ZNF618: variants seen among roughly 807,000 people sequenced by gnomAD.
ZNF618 encodes the protein zinc finger protein 618, also known as neural precursor cell expressed, developmentally down-regulated 10.
ZNF618 carries 34 observed loss-of-function variants against 103.0 expected under a neutral mutation model. The ratio of observed to expected loss-of-function variants is 0.33; its 90% CI spans 0.25 to 0.44. The LOEUF (loss-of-function observed/expected upper bound fraction) is 0.44, where lower values mean the gene tolerates loss of function less well. Among genes scored for constraint, ZNF618 ranks in the 20% least tolerant of loss-of-function variants. ZNF618 has a pLI of 1.00. For missense variants in ZNF618, 1,059 were observed against 1,295.4 expected (o/e 0.82, Z 2.80); for synonymous variants, 551 against 542.2 (o/e 1.02, Z -0.23).
In ZNF618 at chr9:114,049,878, A is replaced by C. The variant is rs775285799; in HGVS notation, c.2576A>C (p.Glu859Ala). The C allele has an allele frequency of 1.2e-6, 2 of 1,613,952 alleles. No homozygotes were observed. The highest frequency in any genetic ancestry group is 1.1e-5 in the South Asian group (1 of 91,090). ...AAGAAGCCCCGCTCTGCTGCCGTCG[A>C]GAACCCCGCAGCTCAGGAAGATGAT... is the stretch of plus-strand genomic sequence containing the variant. ...AAKKPRSAAV[E>A]NPAAQEDDRL... The change falls in exon 15 of 15, where the codon GAG becomes GCG. Residue 859 changes from glutamate to alanine, a missense_variant. This residue lies in a region of ZNF618 where 156 missense variants were observed against 197.1 expected (regional missense o/e 0.79). Transcript: ENST00000374126.
chr9:113,898,601 A>AT (rs1830245997), intron 1 of ZNF618, among the ~76,000 whole-genome samples: 1 of 151,500 alleles, frequency 6.6e-6, no homozygotes, highest in Admixed American at 6.6e-5. Context: ...TAATTTTTAA[A>AT]TTTTTTGTAG....
In ZNF618 at chr9:114,007,351, C is replaced by T. The variant is rs768894299; in HGVS notation, c.552C>T (p.Asn184=). 6.8e-6 allele frequency: 11 copies of T among 1,613,504 alleles called. No homozygotes were observed. The South Asian group carries it at 1.1e-4, about 16-fold the overall frequency. Residue 184 remains asparagine (N), a splice_region_variant and synonymous_variant, in exon 7 of 15, where the codon AAC becomes AAT. Transcript: ENST00000374126. ...ATSGEGASQS[N]NFRYTCDICG... is the part of the protein sequence containing the mutation. The stretch of plus-strand genomic sequence containing the variant: ...GGTGTGTGTTTTCATCCCATGCAGA[C>T]AATTTCAGGTACACATGTGATATCT...
intron 2 of ZNF618, among the ~76,000 whole-genome samples, chr9:113,980,438 T>C (rs2133108423): frequency 6.6e-6 from 1 of 152,124 alleles, no homozygotes; most frequent in African/African-American, 2.4e-5. Flanking sequence ...GTAGTTAATA[T>C]TTAGAACTAA....
chr9:114,047,741 G>A (rs1245177096), intron 13 of ZNF618, among the ~76,000 whole-genome samples, 152 bp from the exon 14 acceptor site: 2 of 152,212 alleles, frequency 1.3e-5, no homozygotes, highest in African/African-American at 4.8e-5. Flanking sequence ...TGCAAGCATA[G>A]ATAGTTGTCT....
intron 1 of ZNF618, among the ~76,000 whole-genome samples, chr9:113,947,414 T>C (rs572200572): frequency 6.6e-6 from 1 of 152,314 alleles, no homozygotes; most frequent in Admixed American, 6.5e-5. Flanking sequence ...ATGGTGGGAA[T>C]AATTATAATG....
At chr9:114,011,950 C>A (rs1417972515) in intron 9 of ZNF618, among the ~76,000 whole-genome samples, 1 of 151,150 alleles carries the variant, frequency 6.6e-6, no homozygotes, top group Non-Finnish European at 1.5e-5. Context: ...TCTGTTGAAA[C>A]AGAGTAAGTC....
intron 13 of ZNF618, among the ~76,000 whole-genome samples, chr9:114,046,826 C>T (rs556309602): frequency 3.9e-5 from 6 of 152,270 alleles, no homozygotes; most frequent in Non-Finnish European, 4.4e-5. Flanking sequence ...ACTCTATTAG[C>T]GTGGTGTATT....
At chr9:113,917,593 C>A (rs577917990) in intron 1 of ZNF618, among the ~76,000 whole-genome samples, 1 of 152,130 alleles carries the variant, frequency 6.6e-6, no homozygotes, top group Non-Finnish European at 1.5e-5. Context: ...TACCATCTCC[C>A]CATTCCATCC....
chr9:114,036,618 G>A (rs1844639842), intron 13 of ZNF618, among the ~76,000 whole-genome samples: 1 of 152,262 alleles, frequency 6.6e-6, no homozygotes, highest in Non-Finnish European at 1.5e-5. Flanking sequence ...GGAGAGGTGG[G>A]ACAGAGTTGA....
At chr9:113,879,031 A>T (rs1043111354) in intron 1 of ZNF618, among the ~76,000 whole-genome samples, 1 of 151,754 alleles carries the variant, frequency 6.6e-6, no homozygotes, top group African/African-American at 2.4e-5. Flanking sequence ...TAGCATAATT[A>T]AAAAAATTTT....
intron 4 of ZNF618, among the ~76,000 whole-genome samples, chr9:114,001,481 G>A (rs1841203864): frequency 6.6e-6 from 1 of 152,168 alleles, no homozygotes; most frequent in Non-Finnish European, 1.5e-5. Context: ...GAGGCTTCAT[G>A]CATCTAAGGA....
intron 1 of ZNF618, among the ~76,000 whole-genome samples, chr9:113,877,214 G>A (rs1828036872): frequency 6.6e-6 from 1 of 151,674 alleles, no homozygotes; most frequent in Non-Finnish European, 1.5e-5. Context: ...TTCTTGGAGG[G>A]GAGAAAGCAA....
At chr9:114,035,752 T>C (rs1460264317) in intron 12 of ZNF618, among the ~76,000 whole-genome samples, 1 of 151,682 alleles carries the variant, frequency 6.6e-6, no homozygotes, top group Non-Finnish European at 1.5e-5. Context: ...CCTCCCTCCC[T>C]CTCCTCCCTT....
chr9:114,023,686 G>A (rs1843256233), intron 10 of ZNF618, among the ~76,000 whole-genome samples: 2 of 152,020 alleles, frequency 1.3e-5, no homozygotes, highest in Non-Finnish European at 2.9e-5. Context: ...AGCTGAAGAT[G>A]TTTTTATTTC....
At chr9:113,940,090 C>G (rs182872784) in intron 1 of ZNF618, among the ~76,000 whole-genome samples, 2 of 149,910 alleles carry the variant, frequency 1.3e-5, no homozygotes, top group East Asian at 1.9e-4. Flanking sequence ...TCTCATTGTT[C>G]ATTTTTAAAT....
rs781779548 is a variant in ZNF618, at chr9:114,049,820, T to G, written c.2518T>G (p.Trp840Gly). 1.1e-5 allele frequency: 17 copies of G among 1,613,840 alleles called. No homozygotes were observed. The East Asian group carries it at 2.9e-4, about 27-fold the overall frequency. The change falls in exon 15 of 15, where the codon TGG (tryptophan) becomes GGG (glycine). Residue 840 changes from tryptophan (W) to glycine (G), a missense_variant. Coordinates refer to ENST00000374126, the MANE Select transcript of ZNF618 (RefSeq NM_001318042.2). ...GCTCATCAACGAGGTGAAGGAGTCC[T>G]GGGCCGAGGAGGCCGACTTCGAGCC... ...CELINEVKES[W>G]AEEADFEPAA... is the part of the protein sequence containing the mutation.
chr9:113,966,155 C>T (rs376869177), intron 1 of ZNF618, among the ~76,000 whole-genome samples: 22 of 152,310 alleles, frequency 1.4e-4, no homozygotes, highest in African/African-American at 4.8e-4. Context: ...TCACTAAGTA[C>T]TTTTACATGC....
intron 2 of ZNF618, among the ~76,000 whole-genome samples, chr9:113,972,491 A>G (rs1192324389): frequency 3.3e-5 from 5 of 152,110 alleles, no homozygotes; most frequent in Non-Finnish European, 7.4e-5. Flanking sequence ...CAGTAGAGCC[A>G]GGAAGTCTAC....
intron 2 of ZNF618, among the ~76,000 whole-genome samples, chr9:113,977,083 T>G (rs1838544534): frequency 6.6e-6 from 1 of 152,154 alleles, no homozygotes; most frequent in Admixed American, 6.5e-5. Flanking sequence ...CTCTGGGGTG[T>G]TGGGGCAAGA....
Sources: allele counts gnomAD v4.1 joint callset (sites outside exome capture counted in the v4.1 genomes callset), GRCh38; gene constraint gnomAD v4.1.1; regional missense constraint gnomAD v4.1.1; transcripts MANE v1.5; gene names NCBI Gene and HGNC (gene_info 2026-07-23, HGNC 2026-07-21).